CYP39A1: variants seen among roughly 807,000 people sequenced by gnomAD.
CYP39A1 encodes cytochrome P450 family 39 subfamily A member 1, also known as 24-hydroxycholesterol 7-alpha-hydroxylase.
Under a neutral mutation model 58.1 loss-of-function variants are expected in CYP39A1, and 49 were observed. The ratio of observed to expected loss-of-function variants is 0.84; its 90% CI spans 0.67 to 1.07. CYP39A1 has a LOEUF of 1.07. CYP39A1 is among the 50% of genes least tolerant of loss of function. CYP39A1 has a pLI of 0.00. For missense variants in CYP39A1, 531 were observed against 539.4 expected, an observed-to-expected ratio of 0.98 and a Z score of 0.16; for synonymous variants, 209 against 187.6, an observed-to-expected ratio of 1.11 and a Z score of -0.93.
At chr6:46,614,313 A>G (rs1020537993) in intron 7 of CYP39A1, among the ~76,000 whole-genome samples, 9 of 152,184 alleles carry the variant, frequency 5.9e-5, no homozygotes, top group African/African-American at 1.9e-4. Context: ...TTACTTTTGC[A>G]CCAGCCAAAT....
chr6:46,627,312 T>A (rs1156688487), intron 6 of CYP39A1, among the ~76,000 whole-genome samples: 2 of 152,236 alleles, frequency 1.3e-5, no homozygotes, highest in African/African-American at 4.8e-5. Flanking sequence ...TTCATAGTTG[T>A]ATGTGCCTAA....
At chr6:46,588,559 A>G (rs994147091) in intron 8 of CYP39A1, among the ~76,000 whole-genome samples, 5 of 152,138 alleles carry the variant, frequency 3.3e-5, no homozygotes, top group African/African-American at 7.2e-5. Flanking sequence ...GTTATGAAAC[A>G]GAAAAATTGG....
intron 7 of CYP39A1, among the ~76,000 whole-genome samples, chr6:46,601,494 G>A (rs1372611283): frequency 1.3e-5 from 2 of 152,052 alleles, no homozygotes; most frequent in Non-Finnish European, 2.9e-5. Context: ...CTGAATCCTA[G>A]AGGCTATGTG....
chr6:46,564,087 GTTTTTTATTTTGTATTT>G (rs1771126818), intron 10 of CYP39A1, among the ~76,000 whole-genome samples: 1 of 142,000 alleles, frequency 7.0e-6, no homozygotes, highest in African/African-American at 2.7e-5. Flanking sequence ...GACCTAGTTT[GTTTTTTATTTTGTATTT>G]TTTTTATTTT....
intron 8 of CYP39A1, among the ~76,000 whole-genome samples, chr6:46,589,843 C>A (rs987033454): frequency 4.6e-5 from 7 of 152,038 alleles, no homozygotes; most frequent in African/African-American, 1.7e-4. Context: ...AGCCCTTCCC[C>A]TTCCCACCGC....
At chr6:46,644,809 T>G (rs1274697817) in intron 1 of CYP39A1, among the ~76,000 whole-genome samples, 3 of 152,190 alleles carry the variant, frequency 2.0e-5, no homozygotes, top group East Asian at 1.9e-4. Context: ...ATATTTGGTG[T>G]TGTTGCAATT....
At chr6:46,631,426 TA>T in intron 5 of CYP39A1, among the ~76,000 whole-genome samples, 1 of 152,188 alleles carries the variant, frequency 6.6e-6, no homozygotes, top group Non-Finnish European at 1.5e-5. Flanking sequence ...TTAAATGAGT[TA>T]GTACCTAAAA....
intron 3 of CYP39A1, 59 bp from the exon 4 acceptor site, chr6:46,638,037 G>A: frequency 7.9e-6 from 12 of 1,525,748 alleles, no homozygotes; most frequent in Non-Finnish European, 1.1e-5. Flanking sequence ...AAAGGCAAAG[G>A]ATACAAAGCA....
At chr6:46,639,347 A>T (rs1776184567) in intron 3 of CYP39A1, 147 bp downstream of exon 3, 3 of 741,324 alleles carry the variant, frequency 4.0e-6, no homozygotes, top group South Asian at 2.1e-5. Context: ...AAAAAAAATA[A>T]TTTAAAAGAT....
chr6:46,571,989 G>T (rs1372921148), intron 10 of CYP39A1, among the ~76,000 whole-genome samples: 2 of 151,998 alleles, frequency 1.3e-5, no homozygotes, highest in African/African-American at 4.8e-5. Flanking sequence ...ACACTGTACT[G>T]CATACCTATC....
chr6:46,603,205 T>C (rs764942303), intron 7 of CYP39A1, among the ~76,000 whole-genome samples: 3 of 152,112 alleles, frequency 2.0e-5, no homozygotes, highest in Non-Finnish European at 2.9e-5. Context: ...TTATTGGAAA[T>C]GTGAAAGAAA....
chr6:46,599,778 A>G (rs1368466378), intron 7 of CYP39A1, among the ~76,000 whole-genome samples: 1 of 152,052 alleles, frequency 6.6e-6, no homozygotes, highest in Non-Finnish European at 1.5e-5. Flanking sequence ...GCTCCAGATT[A>G]TTGTTATCCA....
intron 10 of CYP39A1, among the ~76,000 whole-genome samples, chr6:46,572,878 AT>A (rs1306023077): frequency 6.6e-6 from 1 of 151,776 alleles, no homozygotes; most frequent in Admixed American, 6.6e-5. Flanking sequence ...AGTCTGGATA[AT>A]TTCAAAAGAC....
At chr6:46,621,386 A>C (rs557768634) in intron 7 of CYP39A1, among the ~76,000 whole-genome samples, 1 of 152,280 alleles carries the variant, frequency 6.6e-6, no homozygotes, top group East Asian at 1.9e-4. Flanking sequence ...AACAAAATTA[A>C]AAAGTGAGTT....
intron 10 of CYP39A1, among the ~76,000 whole-genome samples, chr6:46,570,568 A>G (rs1771529886): frequency 6.6e-6 from 1 of 152,144 alleles, no homozygotes; most frequent in Non-Finnish European, 1.5e-5. Flanking sequence ...ACTTGAGACT[A>G]GGGAATTTAT....
chr6:46,602,689 CAAAAAAAAAAA>C (rs35833432), intron 7 of CYP39A1, among the ~76,000 whole-genome samples: 1 of 46,894 alleles, frequency 2.1e-5, no homozygotes, highest in Non-Finnish European at 4.1e-5. Flanking sequence ...GTGCACGTCT[CAAAAAAAAAAA>C]AAAAAAAAAA....
chr6:46,592,005 CT>C (rs1772865539), intron 8 of CYP39A1, among the ~76,000 whole-genome samples: 2 of 152,052 alleles, frequency 1.3e-5, no homozygotes. Flanking sequence ...TTTTGTTACT[CT>C]TTTCTGGATA....
intron 9 of CYP39A1, 44 bp downstream of exon 9, chr6:46,587,990 A>T (rs1038665857): frequency 1.7e-6 from 2 of 1,176,340 alleles, no homozygotes. Context: ...AAATAAAAAG[A>T]AATTAAAATG....
In CYP39A1 at chr6:46,639,600, C is replaced by G. The variant is rs762814859; in HGVS notation, c.382G>C (p.Gly128Arg). The change falls in exon 3 of 12, where the codon GGG becomes CGG. Residue 128 changes from glycine (G) to arginine (R), a missense_variant. Physicochemically the swap from Gly to Arg is moderately radical, Grantham distance 125 (BLOSUM62 -2). Coordinates refer to ENST00000275016, the MANE Select transcript of CYP39A1 (RefSeq NM_016593.5). ...KLYIMLKGKM[G>R]TVNLHQFTGQ... ...GTAAACTGATGGAGATTGACAGTCC[C>G]CATTTTCCCTTTCAACATAATATAG... 1.5e-5 allele frequency: 24 copies of G among 1,613,842 alleles called. No homozygotes were observed. Among genetic ancestry groups the G allele is most frequent in the Non-Finnish European group, 1.9e-5 (23 of 1,179,916 alleles).
Sources: gnomAD v4.1 joint callset for allele counts (sites outside exome capture counted in the v4.1 genomes callset) on GRCh38, gnomAD v4.1.1 for gene constraint, MANE v1.5 for transcripts, NCBI Gene and HGNC (gene_info 2026-07-23, HGNC 2026-07-21) for gene names.